The following TSHR variants were observed in gnomAD, a reference collection of about 807,000 sequenced individuals.
TSHR encodes the protein thyroid stimulating hormone receptor.
TSHR carries 51 observed loss-of-function variants against 64.1 expected under a neutral mutation model. The observed-to-expected ratio is 0.80, with a 90% CI of 0.64 to 1.01. TSHR has a LOEUF of 1.01. TSHR is among the 50% of genes least tolerant of loss of function. TSHR has a pLI of 0.00. For missense variants in TSHR, 877 were observed against 942.8 expected (o/e 0.93, Z 0.91); for synonymous variants, 361 against 361.9 (o/e 1.00, Z 0.03).
intron 1 of TSHR, among the ~76,000 whole-genome samples, chr14:81,026,574 G>A (rs1417380574): frequency 2.0e-5 from 3 of 152,150 alleles, no homozygotes; most frequent in South Asian, 2.1e-4. Flanking sequence ...AAAGTTATCT[G>A]TGAGTTCATA....
intron 1 of TSHR, among the ~76,000 whole-genome samples, chr14:81,017,705 A>T (rs1046923883): frequency 6.6e-6 from 1 of 152,204 alleles, no homozygotes; most frequent in African/African-American, 2.4e-5. Flanking sequence ...AGGGAAAAGT[A>T]TAAGTTAGAA....
intron 8 of TSHR, among the ~76,000 whole-genome samples, chr14:81,123,290 T>C (rs762420990): frequency 1.8e-4 from 27 of 152,232 alleles, no homozygotes; most frequent in Non-Finnish European, 2.1e-4. Context: ...AGTTGTTGTC[T>C]GAAAATGAAT....
chr14:81,080,559 C>A (rs1318791535), intron 3 of TSHR, among the ~76,000 whole-genome samples: 1 of 151,500 alleles, frequency 6.6e-6, no homozygotes, highest in Non-Finnish European at 1.5e-5. Context: ...TACTTATAAA[C>A]TCTCCTCAAT....
At chr14:80,978,738 C>G (rs931093317) in intron 1 of TSHR, among the ~76,000 whole-genome samples, 1 of 152,134 alleles carries the variant, frequency 6.6e-6, no homozygotes, top group Non-Finnish European at 1.5e-5. Context: ...GGAGGGAGAT[C>G]TGAGTGGTGC....
At chr14:81,017,114 C>G (rs1456340049) in intron 1 of TSHR, among the ~76,000 whole-genome samples, 1 of 152,136 alleles carries the variant, frequency 6.6e-6, no homozygotes, top group Admixed American at 6.5e-5. Context: ...GCAATCAGAC[C>G]TTGCAATGAC....
At chr14:81,032,350 C>T (rs1471906780) in intron 1 of TSHR, among the ~76,000 whole-genome samples, 1 of 152,148 alleles carries the variant, frequency 6.6e-6, no homozygotes. Context: ...AAAAGAGTTA[C>T]AATTTGGATA....
intron 8 of TSHR, chr14:81,108,831 T>C: frequency 6.6e-7 from 1 of 1,513,136 alleles, no homozygotes; most frequent in East Asian, 2.4e-5. Context: ...GAATGTACAT[T>C]GCACAATGCC....
chr14:81,108,719 A>G, intron 8 of TSHR: 1 of 1,613,532 alleles, frequency 6.2e-7, no homozygotes, highest in African/African-American at 1.3e-5. Context: ...ACATGCTCAC[A>G]GAGGCTCTGT....
At chr14:81,108,941 T>C in intron 8 of TSHR, 1 of 1,368,912 alleles carries the variant, frequency 7.3e-7, no homozygotes, top group African/African-American at 1.5e-5. Flanking sequence ...TTAAACAGCA[T>C]GAAAACATAC....
At position 81,144,485 on chromosome 14, in the gene TSHR, A is replaced by G. The variant is rs927554924; in HGVS notation, c.*132A>G. Reference sequence around the variant, plus strand: ...TGTGCAGGCGATGTTTCAATGTTTCATGGGGCAAGAGTTTATCTCTGGAGA... The same window carrying G: ...TGTGCAGGCGATGTTTCAATGTTTCGTGGGGCAAGAGTTTATCTCTGGAGA... On this transcript the variant is annotated 3_prime_UTR_variant, in exon 10 of 10. Transcript: ENST00000298171. 6 of 922,474 alleles carry G rather than the reference A, an allele frequency of 6.5e-6. No individual in the cohort carries two copies. In the Admixed American group the frequency reaches 1.2e-4, roughly 19 times the overall value. 57.1% of individuals were successfully genotyped at this position (922,474 alleles called of 1,614,324 possible). A position where few individuals can be genotyped will look rare whatever the true frequency, so the allele number is the denominator to read the frequency against.
intron 3 of TSHR, among the ~76,000 whole-genome samples, chr14:81,086,316 G>A (rs368975105): frequency 4.6e-5 from 7 of 152,288 alleles, no homozygotes; most frequent in African/African-American, 1.4e-4. Context: ...GGAGGAGAGA[G>A]GTAGGTGATT....
intron 1 of TSHR, among the ~76,000 whole-genome samples, chr14:80,961,134 C>T (rs944305806): frequency 6.6e-6 from 1 of 152,200 alleles, no homozygotes; most frequent in Non-Finnish European, 1.5e-5. Flanking sequence ...ACAGGGGATT[C>T]CCCACTGAAG....
rs565741363 is a variant in TSHR at position 81,142,066 on chromosome 14, C to T, written c.882-874C>T. Among the ~76,000 whole-genome samples, 3 of 152,208 alleles carry T rather than the reference C, an allele frequency of 2.0e-5. No individual in the cohort carries two copies. In the South Asian group the frequency reaches 6.2e-4, roughly 32 times the overall value. ...TAATTGAGCCAGGTTCCCACCAAGGCGACTGGCTCCAGCATCCACATTTTT... is the reference window on the plus strand; with the variant it reads ...TAATTGAGCCAGGTTCCCACCAAGGTGACTGGCTCCAGCATCCACATTTTT... On this transcript the variant is annotated intron_variant, in intron 9 of 9. Transcript: ENST00000298171.
chr14:81,125,408 G>A (rs537557075), intron 8 of TSHR, among the ~76,000 whole-genome samples: 16 of 152,216 alleles, frequency 1.1e-4, no homozygotes, highest in Non-Finnish European at 1.9e-4. Context: ...AGGTAAAGAT[G>A]GTCCCTGTGG....
intron 8 of TSHR, among the ~76,000 whole-genome samples, chr14:81,131,264 A>C (rs1174671260): frequency 6.6e-6 from 1 of 152,132 alleles, no homozygotes; most frequent in East Asian, 1.9e-4. Context: ...CTTTTCAAAT[A>C]TCTACAAACT....
chr14:80,974,134 G>T (rs1594904991), intron 1 of TSHR, among the ~76,000 whole-genome samples: 1 of 152,168 alleles, frequency 6.6e-6, no homozygotes, highest in Admixed American at 6.5e-5. Context: ...TAATGCGGTG[G>T]TAGGTCTGAG....
At chr14:80,967,923 AC>A (rs1436901186) in intron 1 of TSHR, among the ~76,000 whole-genome samples, 1 of 152,064 alleles carries the variant, frequency 6.6e-6, no homozygotes, top group East Asian at 1.9e-4. Flanking sequence ...GGTTGCTGAA[AC>A]CCCTGAGACC....
rs186904402 is a variant in TSHR, at chr14:81,134,726, G to A, written c.693-4953G>A. ...AGATATGTCTGATGGACCAGGAGGTGCCTTTTCCTCTTATTAAGAATTCCA... is the reference window on the plus strand; with the variant it reads ...AGATATGTCTGATGGACCAGGAGGTACCTTTTCCTCTTATTAAGAATTCCA... On this transcript the variant is annotated intron_variant, in intron 8 of 9. Coordinates refer to ENST00000298171, the MANE Select transcript of TSHR (RefSeq NM_000369.5). Among the ~76,000 whole-genome samples the A allele has an allele frequency of 2.8e-3, 419 of 152,302 alleles. 1 individual carries two copies. The highest frequency in any genetic ancestry group is 9.3e-3 in the African/African-American group (386 of 41,572).
At chr14:81,037,448 A>AAAAAAAAAAAAAAAAAAAAAAAAAAAAAG (rs1273226258) in intron 1 of TSHR, among the ~76,000 whole-genome samples, 1 of 128,456 alleles carries the variant, frequency 7.8e-6, no homozygotes, top group East Asian at 2.4e-4. Context: ...AACAAACAAA[A>AAAAAAAAAAAAAAAAAAAAAAAAAAAAAG]AACAGAAAAT....
Sources: gnomAD v4.1 joint callset for allele counts (sites outside exome capture counted in the v4.1 genomes callset) on GRCh38, gnomAD v4.1.1 for gene constraint, MANE v1.5 for transcripts, NCBI Gene and HGNC (gene_info 2026-07-23, HGNC 2026-07-21) for gene names.